Variants in POU2F2 observed in about 807,000 individuals in gnomAD.
The protein encoded by POU2F2 is POU domain, class 2, transcription factor 2.
POU2F2 carries 14 observed loss-of-function variants against 63.5 expected under a neutral mutation model. The observed-to-expected ratio is 0.22, with a 90% CI of 0.15 to 0.34. POU2F2 has a LOEUF of 0.34. Among genes scored for constraint, POU2F2 ranks in the 10% least tolerant of loss-of-function variants. POU2F2 has a pLI of 1.00. For missense variants in POU2F2, 607 were observed against 815.2 expected (o/e 0.74, Z 3.11); for synonymous variants, 306 against 348.6 (o/e 0.88, Z 1.36).
chr19:42,115,090 G>A (rs939208509), intron 5 of POU2F2, among the ~76,000 whole-genome samples: 3 of 152,004 alleles, frequency 2.0e-5, no homozygotes, highest in Non-Finnish European at 2.9e-5. Context: ...GGTCGAGGCT[G>A]CAGTGAGCCA....
intron 1 of POU2F2, among the ~76,000 whole-genome samples, chr19:42,161,550 G>A (rs926559591): frequency 1.3e-5 from 2 of 151,962 alleles, no homozygotes; most frequent in African/African-American, 4.8e-5. Flanking sequence ...AAAAGGAGGA[G>A]GAGGAGAAAG....
In POU2F2 at chr19:42,153,492, G is replaced by A. The variant is rs534749330; in HGVS notation, c.-9+6840C>T. Among the ~76,000 whole-genome samples the A allele has an allele frequency of 4.6e-5, 7 of 152,182 alleles. No individual in the cohort carries two copies. The highest frequency in any genetic ancestry group is 2.6e-4 in the Admixed American group (4 of 15,286). ...GGCGTGCGCATGCCCCTGACAGAGT[G>A]TGTCTGAGCACGGATGCTGCTGTGC... On this transcript the variant is annotated intron_variant, in intron 2 of 6. Transcript: ENST00000524801. This position sits in a 1 kb window ranked among gnomAD's most constrained non-coding sequence, Gnocchi z 5.6.
intron 2 of POU2F2, among the ~76,000 whole-genome samples, chr19:42,141,296 C>G (rs906573616): frequency 1.3e-5 from 2 of 152,068 alleles, no homozygotes; most frequent in African/African-American, 2.4e-5. Flanking sequence ...AGATGGTTAA[C>G]CATCTATACA....
At chr19:42,135,398 G>A (rs543426016), upstream of POU2F2, among the ~76,000 whole-genome samples, 2 of 152,158 alleles carry the variant, frequency 1.3e-5, no homozygotes, top group East Asian at 3.9e-4. Context: ...CCTCTGGGGG[G>A]TTAGGGAAAG....
chr19:42,094,222 G>A (rs1201490392), intron 11 of POU2F2, among the ~76,000 whole-genome samples: 4 of 152,174 alleles, frequency 2.6e-5, no homozygotes, highest in South Asian at 2.1e-4. Flanking sequence ...TGTTGGTTCT[G>A]CAAAACTAAA....
At position 42,162,572 on chromosome 19, in the gene POU2F2, G is replaced by A. The variant is rs1225456736; in HGVS notation, c.-69-2180C>T. 6.6e-6 allele frequency among the ~76,000 whole-genome samples: 1 copy of A among 152,132 alleles called. No individual in the cohort carries two copies. The highest frequency in any genetic ancestry group is 1.9e-4 in the East Asian group (1 of 5,188). ...CATTTCCTGCAGCTGTGCACATAAA[G>A]GGTAGATTCCAGTGTTCACAGAGGG... On this transcript the variant is annotated intron_variant, in intron 1 of 6. Transcript: ENST00000524801. This position sits in a 1 kb window ranked among gnomAD's most constrained non-coding sequence, Gnocchi z 4.1.
rs1328026840 is a variant in POU2F2, at chr19:42,091,174, C to T, written c.*83G>A. On this transcript the variant is annotated 3_prime_UTR_variant, in exon 15 of 15. Coordinates refer to ENST00000692977, the MANE Select transcript of POU2F2 (RefSeq NM_001394376.1). ...CCTGCTCTGAGGACCCTCTGCGTCC[C>T]CACCACTGGCCTCCTCGCCCTCTTC... is the stretch of plus-strand genomic sequence containing the variant. 3.5e-5 allele frequency: 47 copies of T among 1,346,996 alleles called. 1 individual carries two copies. The highest frequency in any genetic ancestry group is 4.6e-5 in the Non-Finnish European group (47 of 1,013,688). 83.4% of individuals were successfully genotyped at this position (1,346,996 alleles called of 1,614,324 possible).
rs1210620076 is a variant in POU2F2 at position 42,089,807 on chromosome 19, T to C, written c.*1450A>G. 1 of 151,860 alleles carries C rather than the reference T, an allele frequency of 6.6e-6. No individual in the cohort carries two copies. Among genetic ancestry groups the C allele is most frequent in the Non-Finnish European group, 1.5e-5 (1 of 67,998 alleles). 9.4% of individuals were successfully genotyped at this position (151,860 alleles called of 1,614,324 possible). A position where few individuals can be genotyped will look rare whatever the true frequency, so the allele number is the denominator to read the frequency against. ...TGTTTCTGTTTTTTTGGTTTTCGGT[T>C]CAAAACTTTGTTGGCCTCCACAATA... On this transcript the variant is annotated 3_prime_UTR_variant, in exon 15 of 15. Coordinates refer to ENST00000692977, the MANE Select transcript of POU2F2 (RefSeq NM_001394376.1).
chr19:42,126,423 A>G lies in POU2F2; in HGVS notation c.29-3847T>C, dbSNP rs142174830. Among the ~76,000 whole-genome samples, 1,385 of 151,514 alleles carry G rather than the reference A, an allele frequency of 9.1e-3. 27 individuals carry two copies. The highest frequency in any genetic ancestry group is 0.032 in the African/African-American group (1,326 of 41,234). ...GTGCCACTGCACTACAGCCTGAGTG[A>G]CAGAGCAAGACTCCATCTCAAAAAA... is the stretch of plus-strand genomic sequence containing the variant. On this transcript the variant is annotated intron_variant, in intron 1 of 14. Transcript: ENST00000692977.
At chr19:42,120,814 C>T (rs1403179661) in intron 4 of POU2F2, among the ~76,000 whole-genome samples, 7 of 152,172 alleles carry the variant, frequency 4.6e-5, no homozygotes, top group African/African-American at 1.7e-4. Context: ...GTATCCACTT[C>T]ACATTTTCCA....
chr19:42,187,763 A>C (rs2035028986), intron 1 of POU2F2, among the ~76,000 whole-genome samples: 1 of 146,682 alleles, frequency 6.8e-6, no homozygotes, highest in Non-Finnish European at 1.5e-5. Context: ...CTCCATCACA[A>C]AAAAAAAAAA....
intron 1 of POU2F2, among the ~76,000 whole-genome samples, chr19:42,163,489 T>G (rs1378972549): frequency 1.3e-5 from 2 of 151,814 alleles, no homozygotes; most frequent in African/African-American, 4.8e-5. Context: ...GGGCAGGACA[T>G]AGGCCGGCAT....
rs1298828481 is a variant in POU2F2 at position 42,096,769 on chromosome 19, C to T, written c.568-526G>A. Among the ~76,000 whole-genome samples the T allele has an allele frequency of 1.3e-5, 2 of 152,152 alleles. No homozygotes were observed. The highest frequency in any genetic ancestry group is 3.9e-4 in the East Asian group (2 of 5,192). ...GGACTGTACAATGCCAAGAGTGAACCCTAATGTCAGCTATGAACTTTGGGT... is the reference window on the plus strand; with the variant it reads ...GGACTGTACAATGCCAAGAGTGAACTCTAATGTCAGCTATGAACTTTGGGT... On this transcript the variant is annotated intron_variant, in intron 7 of 14. Coordinates refer to ENST00000692977, the MANE Select transcript of POU2F2 (RefSeq NM_001394376.1). This position sits in a 1 kb window ranked among gnomAD's most constrained non-coding sequence, Gnocchi z 4.1.
chr19:42,122,449 C>A (rs953846104), intron 2 of POU2F2, 62 bp downstream of exon 2: 27 of 1,608,938 alleles, frequency 1.7e-5, no homozygotes, highest in Non-Finnish European at 2.3e-5. Context: ...CAGCTCTCTT[C>A]CCATCTGTCC....
At chr19:42,176,568 C>A (rs1359174145), upstream of POU2F2, among the ~76,000 whole-genome samples, 2 of 152,082 alleles carry the variant, frequency 1.3e-5, no homozygotes, top group South Asian at 2.1e-4. Context: ...TCCCCCTCCA[C>A]GCCTCTCCTT....
chr19:42,127,372 A>G (rs2033301119), intron 1 of POU2F2, among the ~76,000 whole-genome samples: 1 of 150,502 alleles, frequency 6.6e-6, no homozygotes, highest in Non-Finnish European at 1.5e-5. Flanking sequence ...ACCCAGCATA[A>G]GCTCTGTTTT....
chr19:42,113,623 T>C (rs751883228), intron 5 of POU2F2, among the ~76,000 whole-genome samples: 2 of 152,244 alleles, frequency 1.3e-5, no homozygotes, highest in Non-Finnish European at 2.9e-5. Flanking sequence ...AGTGAAACAT[T>C]TCTTAGTGGC....
In POU2F2 at chr19:42,169,192, G is replaced by T. The variant is rs950819957; in HGVS notation, c.-70+6771C>A. Reference sequence around the variant, plus strand: ...GGGTGTTTGTGTGCTATAACTCAGGGCATGGCCCTTTCGGTCACCACGTGT... The same window carrying T: ...GGGTGTTTGTGTGCTATAACTCAGGTCATGGCCCTTTCGGTCACCACGTGT... On this transcript the variant is annotated intron_variant, in intron 1 of 6. Coordinates refer to the POU2F2 transcript ENST00000524801. This position sits in a 1 kb window ranked among gnomAD's most constrained non-coding sequence, Gnocchi z 4.3. Among the ~76,000 whole-genome samples, 5 of 152,220 alleles carry T rather than the reference G, an allele frequency of 3.3e-5. No individual in the cohort carries two copies. The highest frequency in any genetic ancestry group is 2.0e-4 in the Admixed American group (3 of 15,286).
intron 1 of POU2F2, among the ~76,000 whole-genome samples, chr19:42,195,613 T>G (rs2035134431): frequency 6.6e-6 from 1 of 151,878 alleles, no homozygotes; most frequent in East Asian, 1.9e-4. Flanking sequence ...ATTACAGGCA[T>G]GAGCCACCGC....
Sources: allele counts gnomAD v4.1 joint callset (sites outside exome capture counted in the v4.1 genomes callset), GRCh38; gene constraint gnomAD v4.1.1; non-coding constraint Gnocchi (gnomAD v3.1); transcripts MANE v1.5; gene names NCBI Gene and HGNC (gene_info 2026-07-23, HGNC 2026-07-21).